The following ELL2 variants were observed in gnomAD, a reference collection of about 807,000 sequenced individuals.
The protein encoded by ELL2 is RNA polymerase II elongation factor ELL2.
Under a neutral mutation model 72.8 loss-of-function variants are expected in ELL2, and 21 were observed. That is an observed-to-expected ratio of 0.29 (90% CI 0.20 to 0.42). The LOEUF (loss-of-function observed/expected upper bound fraction) is 0.42, where lower values mean the gene tolerates loss of function less well. Among genes scored for constraint, ELL2 ranks in the 10% least tolerant of loss-of-function variants. ELL2 has a pLI of 1.00. For synonymous variants in ELL2, 266 were observed against 283.2 expected, an observed-to-expected ratio of 0.94 and a Z score of 0.61; for missense variants, 568 against 772.8, an observed-to-expected ratio of 0.73 and a Z score of 3.14.
At position 95,927,374 on chromosome 5, in the gene ELL2, C is replaced by CACACACACGTGTGTATATATAGACAT. The variant is rs1750328192; in HGVS notation, c.196-7855_196-7830dup. On this transcript the variant is annotated intron_variant, in intron 2 of 11. Transcript: ENST00000237853. ...GTGTATGTGTATATATAGACATACA[C>CACACACACGTGTGTATATATAGACAT]ACACACACGTGTGTATATATAGACA... Among the ~76,000 whole-genome samples the CACACACACGTGTGTATATATAGACAT allele has an allele frequency of 8.6e-4, 62 of 72,050 alleles. 7 individuals are homozygous for CACACACACGTGTGTATATATAGACAT. Among genetic ancestry groups the CACACACACGTGTGTATATATAGACAT allele is most frequent in the Admixed American group, 3.8e-3 (30 of 7,890 alleles). The allele number at this position is 72,050 out of a possible 152,430, so 47.3% of individuals were successfully genotyped here. A position where few individuals can be genotyped will look rare whatever the true frequency, so the allele number is the denominator to read the frequency against.
chr5:95,929,322 G>C (rs539549973), intron 2 of ELL2, among the ~76,000 whole-genome samples: 1 of 150,368 alleles, frequency 6.7e-6, no homozygotes, highest in African/African-American at 2.5e-5. Flanking sequence ...GCAGCGGCTC[G>C]ATCTTGGCTC....
intron 9 of ELL2, among the ~76,000 whole-genome samples, chr5:95,894,049 G>A (rs1232346885): frequency 1.1e-4 from 16 of 152,166 alleles, no homozygotes; most frequent in Non-Finnish European, 1.8e-4. Flanking sequence ...TCAGGAGTTC[G>A]AGACTAGCCT....
intron 5 of ELL2, among the ~76,000 whole-genome samples, chr5:95,902,118 C>T (rs1334998858): frequency 6.6e-6 from 1 of 152,206 alleles, no homozygotes; most frequent in African/African-American, 2.4e-5. Flanking sequence ...AATAAAAATC[C>T]TTGATCACTT....
At chr5:95,954,785 C>T (rs976281974) in intron 1 of ELL2, among the ~76,000 whole-genome samples, 20 of 151,740 alleles carry the variant, frequency 1.3e-4, no homozygotes, top group African/African-American at 4.8e-4. Context: ...CCTACCTCTC[C>T]CACCAACACC....
chr5:95,923,987 CAGG>C (rs1378318791), intron 2 of ELL2, among the ~76,000 whole-genome samples: 1 of 152,112 alleles, frequency 6.6e-6, no homozygotes, highest in Non-Finnish European at 1.5e-5. Flanking sequence ...GACAGGAAAG[CAGG>C]AGACTTATTG....
chr5:95,896,859 A>G (rs1041601040), intron 8 of ELL2, among the ~76,000 whole-genome samples: 1 of 151,686 alleles, frequency 6.6e-6, no homozygotes, highest in Admixed American at 6.6e-5. Context: ...AGATCTCAAC[A>G]TACTGAAATC....
intron 2 of ELL2, among the ~76,000 whole-genome samples, chr5:95,926,194 T>C (rs941576063): frequency 8.0e-5 from 12 of 150,196 alleles, no homozygotes; most frequent in African/African-American, 2.9e-4. Context: ...AAAAAGCCTC[T>C]CACATCAGCC....
Position 95,898,613 on chromosome 5 carries a change from G to C in ELL2, c.1152C>G (p.Pro384=). The C allele has an allele frequency of 6.2e-7, 1 of 1,613,578 alleles. No individual in the cohort carries two copies. Among genetic ancestry groups the C allele is most frequent in the Non-Finnish European group, 8.5e-7 (1 of 1,179,664 alleles). The part of the protein sequence containing the change: ...TPPPLPSTYL[P]ISHPPQIVNS... ...TTACAATCTGAGGAGGATGTGAGAT[G>C]GGCAGATAGGTTGAAGGCAGCGGTG... is the stretch of plus-strand genomic sequence containing the variant. The change falls in exon 8 of 12, where the codon CCC becomes CCG. Residue 384 remains proline, a synonymous_variant. Transcript: ENST00000237853.
intron 4 of ELL2, among the ~76,000 whole-genome samples, chr5:95,912,728 C>T (rs1463683229): frequency 1.3e-5 from 2 of 152,120 alleles, no homozygotes; most frequent in Non-Finnish European, 2.9e-5. Context: ...CTAAATGTAT[C>T]TAAGCTAAGC....
intron 4 of ELL2, among the ~76,000 whole-genome samples, chr5:95,907,294 A>ATTTTTTTTTTTTTTTTTT (rs201354039): frequency 5.0e-5 from 4 of 79,574 alleles, no homozygotes; most frequent in South Asian, 9.7e-4. Flanking sequence ...ATATATATAT[A>ATTTTTTTTTTTTTTTTTT]TATTTTTTTT....
At chr5:95,928,505 A>G (rs1434811983) in intron 2 of ELL2, among the ~76,000 whole-genome samples, 1 of 152,212 alleles carries the variant, frequency 6.6e-6, no homozygotes, top group East Asian at 1.9e-4. Context: ...TTAATAAGCC[A>G]TCATTCATTT....
intron 10 of ELL2, among the ~76,000 whole-genome samples, chr5:95,889,500 T>G (rs763435685): frequency 6.6e-6 from 1 of 152,160 alleles, no homozygotes; most frequent in African/African-American, 2.4e-5. Context: ...TATAAAAAAA[T>G]TCTCTAAGAT....
At chr5:95,921,146 A>C (rs1409514079) in intron 2 of ELL2, among the ~76,000 whole-genome samples, 1 of 152,246 alleles carries the variant, frequency 6.6e-6, no homozygotes, top group Non-Finnish European at 1.5e-5. Context: ...AAAGAAAAAA[A>C]GGTAAGAAGG....
chr5:95,891,582 T>G (rs1372568127), intron 9 of ELL2, among the ~76,000 whole-genome samples: 1 of 152,208 alleles, frequency 6.6e-6, no homozygotes. Context: ...CCTTTCTCTA[T>G]CCAAGATAAT....
chr5:95,941,836 TG>T (rs1331017800), intron 2 of ELL2, among the ~76,000 whole-genome samples: 1 of 152,184 alleles, frequency 6.6e-6, no homozygotes, highest in Non-Finnish European at 1.5e-5. Flanking sequence ...AATAAACACC[TG>T]AACTAAGCCC....
intron 3 of ELL2, 91 bp from the exon 4 acceptor site, chr5:95,914,025 C>T (rs2112301930): frequency 8.1e-7 from 1 of 1,229,564 alleles, no homozygotes; most frequent in South Asian, 2.3e-5. Context: ...AATCAGCAGC[C>T]CAACTAAGTT....
chr5:95,903,191 T>TCC (rs1561493074), intron 5 of ELL2, among the ~76,000 whole-genome samples: 1 of 147,514 alleles, frequency 6.8e-6, no homozygotes, highest in Non-Finnish European at 1.5e-5. Context: ...TCTCCTGGTT[T>TCC]CCGCCTCTCT....
At chr5:95,953,033 C>T (rs950704319) in intron 1 of ELL2, among the ~76,000 whole-genome samples, 1 of 152,144 alleles carries the variant, frequency 6.6e-6, no homozygotes, top group Non-Finnish European at 1.5e-5. Flanking sequence ...AGATGACCAC[C>T]GGATTTTAAC....
At chr5:95,916,913 A>G (rs928297235) in intron 3 of ELL2, among the ~76,000 whole-genome samples, 1 of 152,128 alleles carries the variant, frequency 6.6e-6, no homozygotes, top group African/African-American at 2.4e-5. Flanking sequence ...TTACTAAGTA[A>G]TTTACATAGT....
Sources: gnomAD v4.1 joint callset for allele counts (sites outside exome capture counted in the v4.1 genomes callset) on GRCh38, gnomAD v4.1.1 for gene constraint, MANE v1.5 for transcripts, NCBI Gene and HGNC (gene_info 2026-07-23, HGNC 2026-07-21) for gene names.